The following SYNE2 variants were observed in gnomAD, a reference collection of about 807,000 sequenced individuals.
The protein encoded by SYNE2 is nesprin-2.
In SYNE2, 431 loss-of-function variants were observed where a neutral mutation model predicts 856.3. That is an observed-to-expected ratio of 0.50 (90% CI 0.47 to 0.55). SYNE2 has a LOEUF of 0.55. Ranked by LOEUF, SYNE2 falls within the 20% of genes least tolerant of loss-of-function variation. The probability of loss-of-function intolerance (pLI) is 0.00; values close to 1 mark genes in which losing one functional copy is unlikely to be tolerated. For missense variants in SYNE2, 8,129 were observed against 8,023.2 expected (o/e 1.01, Z -0.50); for synonymous variants, 2,923 against 2,872.3 (o/e 1.02, Z -0.56).
intron 45 of SYNE2, among the ~76,000 whole-genome samples, chr14:64,031,913 T>C (rs1297069713): frequency 1.3e-5 from 2 of 152,234 alleles, no homozygotes; most frequent in Non-Finnish European, 2.9e-5. Flanking sequence ...AGTACATTTC[T>C]TGTGGCTCTT....
At chr14:64,182,981 C>G (rs1165870120) in intron 96 of SYNE2, among the ~76,000 whole-genome samples, 1 of 149,858 alleles carries the variant, frequency 6.7e-6, no homozygotes, top group Non-Finnish European at 1.5e-5. Context: ...GCGCCCCCCA[C>G]CTCCCTCCCG....
intron 11 of SYNE2, among the ~76,000 whole-genome samples, chr14:63,969,827 T>C (rs895922778): frequency 6.6e-5 from 10 of 152,218 alleles, no homozygotes; most frequent in African/African-American, 2.2e-4. Flanking sequence ...TGTCCAATTC[T>C]ATTATATTTT....
In SYNE2 at chr14:64,134,167, G is replaced by A; in HGVS notation, c.14613G>A (p.Glu4871=). The A allele has an allele frequency of 1.2e-6, 2 of 1,614,056 alleles. No individual in the cohort carries two copies. The highest frequency in any genetic ancestry group is 2.2e-5 in the East Asian group (1 of 44,872). ...LPSVSLVEET[E]ERLVERISFY... is the part of the protein sequence containing the mutation. ...CTGTGAGTTTGGTGGAAGAAACAGA[G>A]GAAAGATTAGTGGAAAGGATTTCAT... The change falls in exon 78 of 116, where the codon GAG becomes GAA. Residue 4871 remains glutamate (E), a synonymous_variant. Coordinates refer to ENST00000555002, the MANE Select transcript of SYNE2 (RefSeq NM_182914.3).
At chr14:63,961,655 A>C in intron 9 of SYNE2, 30 bp downstream of exon 9, 43 of 1,489,396 alleles carry the variant, frequency 2.9e-5, no homozygotes, top group Non-Finnish European at 3.8e-5. Context: ...AATCAAGCTC[A>C]TTTTAGTTGT....
At chr14:64,087,997 A>G in intron 58 of SYNE2, 141 bp downstream of exon 58, 3 of 842,342 alleles carry the variant, frequency 3.6e-6, no homozygotes, top group Non-Finnish European at 5.8e-6. Flanking sequence ...AGCCTGGCCA[A>G]CATGGTGAAA....
In SYNE2 at chr14:64,092,952, G is replaced by GC. The variant is rs1284621367; in HGVS notation, c.11977-390dup. ...GTTATGTCACCTTTCTATGCGGAAA[G>GC]CCCCCCCGCTCCCCCGGCCATGGAA... On this transcript the variant is annotated intron_variant, in intron 60 of 115. Coordinates refer to ENST00000555002, the MANE Select transcript of SYNE2 (RefSeq NM_182914.3). Among the ~76,000 whole-genome samples the GC allele has an allele frequency of 1.4e-3, 205 of 150,556 alleles. 2 individuals carry two copies. The highest frequency in any genetic ancestry group is 3.4e-3 in the Middle Eastern group (1 of 294).
intron 100 of SYNE2, among the ~76,000 whole-genome samples, chr14:64,204,698 A>C (rs1303659330): frequency 6.6e-6 from 1 of 152,230 alleles, no homozygotes; most frequent in Non-Finnish European, 1.5e-5. Context: ...CTTAAAAAAA[A>C]AAAATTAATG....
At chr14:64,073,179 G>A (rs2097426213) in intron 52 of SYNE2, among the ~76,000 whole-genome samples, 1 of 152,178 alleles carries the variant, frequency 6.6e-6, no homozygotes, top group Non-Finnish European at 1.5e-5. Flanking sequence ...TCCCCCAGAG[G>A]TTGGGGGTGT....
chr14:63,981,577 C>A (rs986293505), intron 16 of SYNE2, among the ~76,000 whole-genome samples: 2 of 152,082 alleles, frequency 1.3e-5, no homozygotes, highest in African/African-American at 4.8e-5. Context: ...TGGTTGAAAC[C>A]TTTCAGCTCT....
chr14:64,143,972 A>C, intron 83 of SYNE2, 24 bp downstream of exon 83: 2 of 1,613,848 alleles, frequency 1.2e-6, no homozygotes, highest in Non-Finnish European at 1.7e-6. Context: ...TCACAACTGG[A>C]TGTGTGGTTT....
At position 64,137,834 on chromosome 14, in the gene SYNE2, T is replaced by C. The variant is rs769782046; in HGVS notation, c.14694T>C (p.Thr4898=). The C allele has an allele frequency of 6.2e-7, 1 of 1,614,190 alleles. No homozygotes were observed. The highest frequency in any genetic ancestry group is 8.5e-7 in the Non-Finnish European group (1 of 1,180,030). The change falls in exon 79 of 116, where the codon ACT becomes ACC. Residue 4898 remains threonine, a synonymous_variant. Coordinates refer to ENST00000555002, the MANE Select transcript of SYNE2 (RefSeq NM_182914.3). ...GAAAACACGCCCGGCTTTACCAAAC[T>C]CTGAACGAAGGCAAACAGTTGGTGG... ...IGGKHARLYQ[T]LNEGKQLVAS...
rs555133452 is a variant in SYNE2, at chr14:63,998,192, C to T, written c.3244-27C>T. 1.8e-5 allele frequency: 26 copies of T among 1,442,792 alleles called. No homozygotes were observed. The South Asian group carries it at 1.8e-4, about 10-fold the overall frequency. 89.4% of individuals were successfully genotyped at this position (1,442,792 alleles called of 1,614,324 possible). A position where few individuals can be genotyped will look rare whatever the true frequency, so the allele number is the denominator to read the frequency against. On this transcript the variant is annotated intron_variant, in intron 25 of 115. Transcript: ENST00000555002. ...GATAAAAAGTATGTTTAAGATATTT[C>T]GTTTACTATTTTGCATATTCCCTTA...
At chr14:64,174,408 A>G (rs138645167) in intron 94 of SYNE2, among the ~76,000 whole-genome samples, 3,364 of 152,336 alleles carry the variant, frequency 0.022, 55 homozygotes, top group Non-Finnish European at 0.034. Flanking sequence ...TAATTTTCAG[A>G]AAGCCTACAT....
intron 6 of SYNE2, among the ~76,000 whole-genome samples, chr14:63,944,826 T>TTTTTTTTC (rs2095997839): frequency 1.6e-5 from 2 of 122,750 alleles, no homozygotes; most frequent in Non-Finnish European, 3.4e-5. Flanking sequence ...GCTTAAAGCT[T>TTTTTTTTC]TTTTTTTTTT....
At chr14:64,087,553 A>T in intron 57 of SYNE2, 118 bp from the exon 58 acceptor site, 1 of 1,097,880 alleles carries the variant, frequency 9.1e-7, no homozygotes, top group Non-Finnish European at 1.4e-6. Flanking sequence ...TTATCGAACT[A>T]GAAATGACTA....
At position 64,130,280 on chromosome 14, in the gene SYNE2, T is replaced by C. The variant is rs969160702; in HGVS notation, c.14340+32T>C. On this transcript the variant is annotated intron_variant, in intron 76 of 115. Coordinates refer to ENST00000555002, the MANE Select transcript of SYNE2 (RefSeq NM_182914.3). ...CAGACACATGGGTCGGGTGACCCCTTCATAGACTAAAATCTTAAGGTATTT... is the reference window on the plus strand; with the variant it reads ...CAGACACATGGGTCGGGTGACCCCTCCATAGACTAAAATCTTAAGGTATTT... 2.6e-6 allele frequency: 4 copies of C among 1,552,054 alleles called. No homozygotes were observed. The African/African-American group carries it at 4.1e-5, about 16-fold the overall frequency.
intron 1 of SYNE2, among the ~76,000 whole-genome samples, chr14:63,867,984 A>T (rs1446203925): frequency 6.6e-6 from 1 of 152,174 alleles, no homozygotes; most frequent in African/African-American, 2.4e-5. Context: ...CAGGAGTTTG[A>T]GGCTGCAGTA....
intron 2 of SYNE2, among the ~76,000 whole-genome samples, chr14:63,937,885 G>A (rs1394609351): frequency 6.6e-6 from 1 of 152,168 alleles, no homozygotes; most frequent in African/African-American, 2.4e-5. Context: ...GGATATCCTG[G>A]GGGTGAGGGA....
intron 51 of SYNE2, 54 bp from the exon 52 acceptor site, chr14:64,070,591 T>C: frequency 6.6e-7 from 1 of 1,512,418 alleles, no homozygotes; most frequent in Admixed American, 1.9e-5. Flanking sequence ...CTTCAGGTCC[T>C]GAAATGTAAT....
Sources: allele counts gnomAD v4.1 joint callset (sites outside exome capture counted in the v4.1 genomes callset), GRCh38; gene constraint gnomAD v4.1.1; transcripts MANE v1.5; gene names NCBI Gene and HGNC (gene_info 2026-07-23, HGNC 2026-07-21).